The following ANKFY1 variants were observed in gnomAD, a reference collection of about 807,000 sequenced individuals.
ANKFY1 encodes the protein ankyrin repeat and FYVE domain containing 1, also known as ankyrin repeat and FYVE domain-containing protein 1.
A neutral mutation model predicts 128.3 loss-of-function variants in ANKFY1; 47 were observed. The observed-to-expected ratio is 0.37, with a 90% CI of 0.29 to 0.47. The LOEUF (loss-of-function observed/expected upper bound fraction) is 0.47. Ranked by LOEUF, ANKFY1 falls within the 20% of genes least tolerant of loss-of-function variation. ANKFY1 has a pLI of 1.00. For missense variants in ANKFY1, 1,222 were observed against 1,510.6 expected (o/e 0.81, Z 3.17); for synonymous variants, 553 against 601.6 (o/e 0.92, Z 1.18).
At chr17:4,203,859 A>AAAAAG (rs2059978478) in intron 7 of ANKFY1, among the ~76,000 whole-genome samples, 1 of 151,410 alleles carries the variant, frequency 6.6e-6, no homozygotes, top group Non-Finnish European at 1.5e-5. Context: ...GAAAGAAAGA[A>AAAAAG]AAAAGAAACC....
intron 1 of ANKFY1, among the ~76,000 whole-genome samples, chr17:4,245,362 T>C (rs1447656834): frequency 1.3e-5 from 2 of 152,236 alleles, no homozygotes; most frequent in African/African-American, 2.4e-5. Flanking sequence ...CTTACCACCA[T>C]GCCTGGCTAC....
At chr17:4,263,491 C>A in intron 1 of ANKFY1, 1 of 1,184,320 alleles carries the variant, frequency 8.4e-7, no homozygotes, top group Non-Finnish European at 1.1e-6. Flanking sequence ...TCACCCCAAC[C>A]CAGCCCGAGG....
chr17:4,190,040 G>A (rs746266470), intron 10 of ANKFY1, among the ~76,000 whole-genome samples: 1 of 152,242 alleles, frequency 6.6e-6, no homozygotes, highest in African/African-American at 2.4e-5. Flanking sequence ...TTTCTCAACA[G>A]TGGTGCTACG....
intron 7 of ANKFY1, among the ~76,000 whole-genome samples, chr17:4,201,910 A>G (rs2059934365): frequency 6.6e-6 from 1 of 152,214 alleles, no homozygotes; most frequent in Non-Finnish European, 1.5e-5. Flanking sequence ...ATAGGAAAAA[A>G]TATGTAAAGA....
At chr17:4,259,181 C>A (rs1968277496) in intron 1 of ANKFY1, among the ~76,000 whole-genome samples, 1 of 152,206 alleles carries the variant, frequency 6.6e-6, no homozygotes, top group Non-Finnish European at 1.5e-5. Flanking sequence ...GCTGAGGACA[C>A]TGAGACTGAC....
chr17:4,257,040 G>A lies in ANKFY1; in HGVS notation c.10+6892C>T, dbSNP rs141675759. Among the ~76,000 whole-genome samples, 31 of 152,288 alleles carry A rather than the reference G, an allele frequency of 2.0e-4. 1 individual carries two copies. In the East Asian group the frequency reaches 3.7e-3, roughly 18 times the overall value. On this transcript the variant is annotated intron_variant, in intron 1 of 24. Coordinates refer to ENST00000341657, the MANE Select transcript of ANKFY1 (RefSeq NM_001330063.2). ...GAAGTATACTGGGCAAAGCAAATAT[G>A]TCCAAAAGTGAGGTCAAAATACTTG...
chr17:4,170,674 G>C (rs375331862), intron 23 of ANKFY1, 41 bp downstream of exon 23: 1 of 1,575,592 alleles, frequency 6.3e-7, no homozygotes, highest in Non-Finnish European at 8.6e-7. Context: ...CCAACACTAC[G>C]ACTGTGCTTG....
At chr17:4,241,855 C>A (rs1056846718) in intron 2 of ANKFY1, among the ~76,000 whole-genome samples, 1 of 151,390 alleles carries the variant, frequency 6.6e-6, no homozygotes, top group African/African-American at 2.4e-5. Flanking sequence ...TCTGGGAGGC[C>A]GAGGCAGGCG....
chr17:4,244,034 G>A (rs1293899901), intron 1 of ANKFY1, among the ~76,000 whole-genome samples: 2 of 151,640 alleles, frequency 1.3e-5, no homozygotes, highest in Admixed American at 6.6e-5. Flanking sequence ...GGGTTCAAGC[G>A]ATTCTCCTCC....
At chr17:4,212,896 G>A (rs1449132771) in intron 4 of ANKFY1, among the ~76,000 whole-genome samples, 2 of 150,780 alleles carry the variant, frequency 1.3e-5, no homozygotes, top group Non-Finnish European at 2.9e-5. Flanking sequence ...TCAGCCTCCA[G>A]AATAGCTGGG....
At chr17:4,222,372 T>G (rs938627549) in intron 3 of ANKFY1, 2 of 781,972 alleles carry the variant, frequency 2.6e-6, no homozygotes, top group Non-Finnish European at 4.7e-6. Flanking sequence ...CTCTGTCCTT[T>G]AATCTGTTAG....
At chr17:4,187,513 T>C in intron 11 of ANKFY1, 1 of 372,184 alleles carries the variant, frequency 2.7e-6, no homozygotes. Context: ...CGGAAGCCAG[T>C]GTTCCAGGCC....
chr17:4,217,782 C>T (rs2060245836), intron 3 of ANKFY1, among the ~76,000 whole-genome samples: 1 of 152,026 alleles, frequency 6.6e-6, no homozygotes, highest in South Asian at 2.1e-4. Flanking sequence ...ACTCCCTGGG[C>T]TCAAGTGGTC....
chr17:4,233,042 C>A (rs540605333), intron 3 of ANKFY1, among the ~76,000 whole-genome samples: 6 of 151,988 alleles, frequency 3.9e-5, no homozygotes, highest in Non-Finnish European at 8.8e-5. Context: ...AGCTCAGCTG[C>A]CTAACTGCTT....
At chr17:4,198,119 A>C in intron 7 of ANKFY1, among the ~76,000 whole-genome samples, 1 of 150,886 alleles carries the variant, frequency 6.6e-6, no homozygotes, top group African/African-American at 2.4e-5. Context: ...TTAAGAGCAA[A>C]ACTCCGTCTT....
chr17:4,177,358 G>T, intron 18 of ANKFY1, 56 bp from the exon 19 acceptor site: 1 of 1,475,386 alleles, frequency 6.8e-7, no homozygotes, highest in Admixed American at 2.0e-5. Context: ...TACCTCCTGA[G>T]CTTCATCTGC....
In ANKFY1 at chr17:4,194,963, A is replaced by G. The variant is rs2059789898; in HGVS notation, c.1372+15T>C. On this transcript the variant is annotated intron_variant, in intron 10 of 24. Transcript: ENST00000341657. ...CAGACCCCAGCGTCGCCCCTTCGGG[A>G]GGCACGTGCTTTACCTGTCGCCGTG... The G allele has an allele frequency of 6.2e-7, 1 of 1,614,096 alleles. No individual in the cohort carries two copies. Among genetic ancestry groups the G allele is most frequent in the East Asian group, 2.2e-5 (1 of 44,888 alleles).
chr17:4,172,460 G>A, intron 22 of ANKFY1, 96 bp downstream of exon 22: 3 of 1,507,262 alleles, frequency 2.0e-6, no homozygotes, highest in Non-Finnish European at 1.8e-6. Context: ...TCTGCGAGCT[G>A]AACGCCCTCA....
intron 2 of ANKFY1, among the ~76,000 whole-genome samples, chr17:4,239,036 G>C (rs1171823070): frequency 6.6e-6 from 1 of 152,216 alleles, no homozygotes; most frequent in Non-Finnish European, 1.5e-5. Flanking sequence ...GGGATTACAG[G>C]AGTGAGCCAC....
Sources: allele counts gnomAD v4.1 joint callset (sites outside exome capture counted in the v4.1 genomes callset), GRCh38; gene constraint gnomAD v4.1.1; transcripts MANE v1.5; gene names NCBI Gene and HGNC (gene_info 2026-07-23, HGNC 2026-07-21).